The following FGD5 variants were observed in gnomAD, a reference collection of about 807,000 sequenced individuals.
FGD5 encodes the protein FYVE, RhoGEF and PH domain-containing protein 5.
In FGD5, 28 loss-of-function variants were observed where a neutral mutation model predicts 133.4. The ratio of observed to expected loss-of-function variants is 0.21; its 90% confidence interval spans 0.16 to 0.29. The LOEUF is 0.29. FGD5 is among the 10% of genes least tolerant of loss of function. FGD5 has a pLI of 1.00. For missense variants in FGD5, 1,858 were observed against 1,895.2 expected, an observed-to-expected ratio of 0.98 and a Z score of 0.36; for synonymous variants, 810 against 776.5, an observed-to-expected ratio of 1.04 and a Z score of -0.72.
chr3:14,860,324 C>T (rs747829664), intron 1 of FGD5, among the ~76,000 whole-genome samples: 6 of 152,246 alleles, frequency 3.9e-5, no homozygotes, highest in Non-Finnish European at 5.9e-5. Flanking sequence ...AGAGCCTAAA[C>T]GTCTTTCACT....
intron 1 of FGD5, among the ~76,000 whole-genome samples, chr3:14,857,346 G>T (rs184920683): frequency 6.6e-6 from 1 of 152,168 alleles, no homozygotes; most frequent in Admixed American, 6.5e-5. Context: ...TTAGAGACGG[G>T]ATCTCATTTT....
chr3:14,839,488 C>G (rs1619053), intron 1 of FGD5, among the ~76,000 whole-genome samples: 134,349 of 152,204 alleles, frequency 0.88, 59,556 homozygotes, highest in East Asian at 0.98. Context: ...TGATTAACTA[C>G]TGAGTGTATA....
At chr3:14,844,303 T>C (rs1210529188) in intron 1 of FGD5, among the ~76,000 whole-genome samples, 2 of 126,802 alleles carry the variant, frequency 1.6e-5, no homozygotes, top group Admixed American at 1.7e-4. Flanking sequence ...CCCCTGAGAC[T>C]CGGATTCACT....
At chr3:14,911,016 G>C in intron 11 of FGD5, 87 bp downstream of exon 11, 1 of 1,305,702 alleles carries the variant, frequency 7.7e-7, no homozygotes, top group East Asian at 2.5e-5. Flanking sequence ...AAGTGGAATA[G>C]GGTGAGAGGA....
At position 14,918,786 on chromosome 3, in the gene FGD5, C is replaced by T. The variant is rs371774174; in HGVS notation, c.3522C>T (p.Tyr1174=). 94 of 1,613,796 alleles carry T rather than the reference C, an allele frequency of 5.8e-5. No individual in the cohort carries two copies. In the Admixed American group the frequency reaches 1.0e-3, roughly 18 times the overall value. ...GCCCTGTGATGGAGAAAGTGCCCTA[C>T]GCTCTAAAGATTGAGACTTCCGAGT... ...VSRPVMEKVP[Y]ALKIETSESC... is the part of the protein sequence containing the mutation. Residue 1174 remains tyrosine (Y), a synonymous_variant, in exon 13 of 20, where the codon TAC becomes TAT. Coordinates refer to ENST00000285046, the MANE Select transcript of FGD5 (RefSeq NM_152536.4).
At chr3:14,869,563 C>T (rs1276565127) in intron 2 of FGD5, among the ~76,000 whole-genome samples, 1 of 152,212 alleles carries the variant, frequency 6.6e-6, no homozygotes, top group Non-Finnish European at 1.5e-5. Flanking sequence ...TCTTCCCAAA[C>T]TGAAACTCTG....
chr3:14,887,222 A>G (rs2880479), intron 4 of FGD5, among the ~76,000 whole-genome samples: 12,041 of 152,180 alleles, frequency 0.079, 719 homozygotes, highest in East Asian at 0.29. Context: ...GTCTGCCTTC[A>G]TCACTAAACT....
In FGD5 at chr3:14,907,666, T is replaced by A. The variant is rs772019476; in HGVS notation, c.3291T>A (p.Ile1097=). 8 of 1,613,686 alleles carry A rather than the reference T, an allele frequency of 5.0e-6. No homozygotes were observed. The South Asian group carries it at 6.6e-5, about 13-fold the overall frequency. ...AAAACCTGCAGAAGCTGGTCCACAT[T>A]GAGCACAGCGTCCGGGGCCAAGGGG... ...QGENLQKLVH[I]EHSVRGQGDL... Residue 1097 remains isoleucine, a synonymous_variant, in exon 10 of 20, where the codon ATT becomes ATA. Coordinates refer to ENST00000285046, the MANE Select transcript of FGD5 (RefSeq NM_152536.4).
In FGD5 at chr3:14,844,337, T is replaced by C. The variant is rs192515431; in HGVS notation, c.2526-19791T>C. Among the ~76,000 whole-genome samples, 38 of 139,410 alleles carry C rather than the reference T, an allele frequency of 2.7e-4. 1 individual carries two copies. Among genetic ancestry groups the C allele is most frequent in the African/African-American group, 1.0e-3 (38 of 37,744 alleles). 91.5% of individuals were successfully genotyped at this position (139,410 alleles called of 152,430 possible). A position where few individuals can be genotyped will look rare whatever the true frequency, so the allele number is the denominator to read the frequency against. ...CTGGGTGTGGGGTGTTGCTGCACAA[T>C]CTGCATTTGTAACAGACTCCCCCAG... On this transcript the variant is annotated intron_variant, in intron 1 of 19. Coordinates refer to ENST00000285046, the MANE Select transcript of FGD5 (RefSeq NM_152536.4).
intron 11 of FGD5, among the ~76,000 whole-genome samples, chr3:14,913,662 C>T (rs1026239446): frequency 2.6e-5 from 4 of 152,230 alleles, no homozygotes; most frequent in African/African-American, 9.6e-5. Context: ...GCCACCTCCT[C>T]TGGCCATGCC....
intron 1 of FGD5, among the ~76,000 whole-genome samples, chr3:14,833,973 C>G (rs2036767253): frequency 6.6e-6 from 1 of 152,108 alleles, no homozygotes; most frequent in South Asian, 2.1e-4. Context: ...GGTTCCCTCC[C>G]ATGCTTAATC....
intron 11 of FGD5, among the ~76,000 whole-genome samples, chr3:14,913,082 G>C (rs1457703816): frequency 4.6e-5 from 7 of 152,000 alleles, no homozygotes; most frequent in Non-Finnish European, 8.8e-5. Flanking sequence ...CCAAATGTAG[G>C]GGCAGGTAAT....
chr3:14,885,160 C>T (rs779409651), intron 4 of FGD5, among the ~76,000 whole-genome samples: 5 of 151,544 alleles, frequency 3.3e-5, no homozygotes, highest in Admixed American at 2.0e-4. Flanking sequence ...TGTTCAGTTC[C>T]TCTAGGTCTG....
At chr3:14,926,346 A>G in intron 18 of FGD5, 148 bp downstream of exon 18, 3 of 968,026 alleles carry the variant, frequency 3.1e-6, no homozygotes, top group East Asian at 5.0e-5. Context: ...GAGCAATGCC[A>G]TGTGCTCAAT....
intron 1 of FGD5, among the ~76,000 whole-genome samples, chr3:14,854,168 CT>C (rs889101986): frequency 5.4e-4 from 82 of 152,100 alleles, no homozygotes; most frequent in African/African-American, 1.9e-3. Flanking sequence ...CACAGTGACT[CT>C]TTTCTGTGTG....
In FGD5 at chr3:14,922,146, C is replaced by A; in HGVS notation, c.3669+129C>A. 1 of 1,082,332 alleles carries A rather than the reference C, an allele frequency of 9.2e-7. No individual in the cohort carries two copies. The highest frequency in any genetic ancestry group is 1.3e-6 in the Non-Finnish European group (1 of 743,546). 67.0% of individuals were successfully genotyped at this position (1,082,332 alleles called of 1,614,324 possible). On this transcript the variant is annotated intron_variant, in intron 14 of 19. Coordinates refer to ENST00000285046, the MANE Select transcript of FGD5 (RefSeq NM_152536.4). This position sits in a 1 kb window ranked among gnomAD's most constrained non-coding sequence, Gnocchi z 4.1. ...TGTCTTGGGGCACTGGCTCCCCCCA[C>A]ACCCCTGCCATGCTCCCACCCTAGT...
intron 1 of FGD5, among the ~76,000 whole-genome samples, chr3:14,839,802 G>C (rs1327155469): frequency 6.6e-6 from 1 of 152,012 alleles, no homozygotes; most frequent in African/African-American, 2.4e-5. Context: ...GCGTGGTGGT[G>C]GGCACCTGTA....
At chr3:14,905,481 T>A (rs151157850) in intron 9 of FGD5, among the ~76,000 whole-genome samples, 2 of 152,212 alleles carry the variant, frequency 1.3e-5, no homozygotes, top group Non-Finnish European at 2.9e-5. Flanking sequence ...CCCTGCTCTT[T>A]GTGTTTCAGT....
At chr3:14,899,634 G>C (rs1037064316) in intron 7 of FGD5, among the ~76,000 whole-genome samples, 3 of 152,204 alleles carry the variant, frequency 2.0e-5, no homozygotes, top group Non-Finnish European at 4.4e-5. Context: ...TATGTACCAG[G>C]TCCCATGCTG....
Sources: allele counts gnomAD v4.1 joint callset (sites outside exome capture counted in the v4.1 genomes callset), GRCh38; gene constraint gnomAD v4.1.1; non-coding constraint Gnocchi (gnomAD v3.1); transcripts MANE v1.5; gene names NCBI Gene and HGNC (gene_info 2026-07-23, HGNC 2026-07-21).